The following IL17REL variants were observed in gnomAD, a reference collection of about 807,000 sequenced individuals.
The protein encoded by IL17REL is interleukin 17 receptor E like.
IL17REL carries 36 observed loss-of-function variants against 49.0 expected under a neutral mutation model. The observed-to-expected ratio is 0.73, with a 90% confidence interval of 0.56 to 0.97. The LOEUF (loss-of-function observed/expected upper bound fraction) is 0.97. Ranked by LOEUF, IL17REL falls within the 50% of genes least tolerant of loss-of-function variation. The pLI is 0.00. For missense variants in IL17REL, 470 were observed against 453.9 expected (o/e 1.04, Z -0.32); for synonymous variants, 206 against 192.4 (o/e 1.07, Z -0.58).
intron 1 of IL17REL, among the ~76,000 whole-genome samples, chr22:50,007,099 G>T: frequency 6.6e-6 from 1 of 152,002 alleles, no homozygotes; most frequent in East Asian, 1.9e-4. Context: ...GCACCTCTTT[G>T]TCTAGATCAG....
chr22:50,008,955 G>A (rs137866), upstream of IL17REL: 43,831 of 152,212 alleles, frequency 0.29, 6,432 homozygotes, highest in Middle Eastern at 0.44. Context: ...TGGGATTCAT[G>A]AACAGAGGAA....
chr22:50,001,067 G>C lies in IL17REL; in HGVS notation c.109+15C>G, dbSNP rs112655769. ...CCTGCGGGTGTTAACTCCCACCCTC[G>C]AGGCCACCTCTCACCATGCAGGGTG... On this transcript the variant is annotated intron_variant, in intron 2 of 12. Coordinates refer to ENST00000341280, the Ensembl canonical transcript of IL17REL. 14 of 1,558,002 alleles carry C rather than the reference G, an allele frequency of 9.0e-6. No individual in the cohort carries two copies. Among genetic ancestry groups the C allele is most frequent in the East Asian group, 2.4e-5 (1 of 42,296 alleles).
chr22:50,010,543 G>C (rs1274299404), upstream of IL17REL, among the ~76,000 whole-genome samples: 1 of 152,244 alleles, frequency 6.6e-6, no homozygotes, highest in Non-Finnish European at 1.5e-5. Context: ...GCCCACTGTG[G>C]CCTGGACTCC....
intron 9 of IL17REL, 109 bp downstream of exon 11, chr22:49,997,916 T>C (rs1273593308): frequency 6.8e-7 from 1 of 1,480,024 alleles, no homozygotes; most frequent in Admixed American, 1.9e-5. Flanking sequence ...GAGGGACGCC[T>C]GGGAGGCTAG....
chr22:49,999,718 CGG>C lies in IL17REL; in HGVS notation c.474+108_474+109del, dbSNP rs1222640154. On this transcript the variant is annotated intron_variant, in intron 5 of 12. Transcript: ENST00000341280. ...CCTAGGCCTGGCCGGGGGCGGGGCGCGGGGGGTGGGCGGGGCGCGGGGTGGGC... is the reference window on the plus strand; with the variant it reads ...CCTAGGCCTGGCCGGGGGCGGGGCGCGGGGTGGGCGGGGCGCGGGGTGGGC... The C allele has an allele frequency of 4.0e-5, 16 of 400,552 alleles. 1 individual carries two copies. Among genetic ancestry groups the C allele is most frequent in the African/African-American group, 2.6e-4 (7 of 27,272 alleles). 24.8% of individuals were successfully genotyped at this position (400,552 alleles called of 1,614,324 possible). A position where few individuals can be genotyped will look rare whatever the true frequency, so the allele number is the denominator to read the frequency against.
At chr22:50,009,331 G>A (rs1305147855), upstream of IL17REL, among the ~76,000 whole-genome samples, 1 of 152,136 alleles carries the variant, frequency 6.6e-6, no homozygotes, top group Non-Finnish European at 1.5e-5. Context: ...CACTCAAAGA[G>A]GGGCATGAGG....
At chr22:50,001,126 C>G in exon 2 of IL17REL, 1 of 1,604,842 alleles carries the variant, frequency 6.2e-7, no homozygotes, top group Non-Finnish European at 8.5e-7. Flanking sequence ...CATCGCGCAG[C>G]CGTCAGAGGG....
chr22:49,999,591 C>G, intron 5 of IL17REL, 89 bp from the exon 8 acceptor site: 1 of 442,894 alleles, frequency 2.3e-6, no homozygotes, highest in Non-Finnish European at 3.6e-6. Context: ...GGGGCGGGAG[C>G]GGGGACGGGA....
At chr22:50,008,004 C>T (rs988957206) in intron 1 of IL17REL, among the ~76,000 whole-genome samples, 2 of 151,916 alleles carry the variant, frequency 1.3e-5, no homozygotes, top group African/African-American at 2.4e-5. Flanking sequence ...TTTGGGAGGC[C>T]GAGGCAGGAG....
intron 4 of IL17REL, among the ~76,000 whole-genome samples, chr22:50,000,223 C>T (rs1208875664): frequency 6.6e-6 from 1 of 152,258 alleles, no homozygotes; most frequent in Non-Finnish European, 1.5e-5. Context: ...CTCCTCCCCA[C>T]GTCCTCCTCT....
exon 8 of IL17REL, chr22:49,998,263 C>T (rs377295789): frequency 9.9e-6 from 16 of 1,612,270 alleles, no homozygotes; most frequent in Non-Finnish European, 1.3e-5. Context: ...TCTGGCTCTC[C>T]GGGTGGTAGT....
At chr22:50,000,052 T>G in intron 4 of IL17REL, 85 bp from the exon 7 acceptor site, 1 of 1,349,762 alleles carries the variant, frequency 7.4e-7, no homozygotes, top group Non-Finnish European at 9.6e-7. Flanking sequence ...CCCGACGTGG[T>G]GGCTCCTGCT....
chr22:49,999,621 T>C (rs1317497906), intron 5 of IL17REL, 119 bp from the exon 8 acceptor site: 1 of 278,764 alleles, frequency 3.6e-6, no homozygotes, highest in East Asian at 1.0e-4. Context: ...GGCCTAGGCC[T>C]GGCCGGGGGC....
chr22:50,001,582 A>G (rs1025772083), intron 1 of IL17REL, among the ~76,000 whole-genome samples: 1 of 152,350 alleles, frequency 6.6e-6, no homozygotes, highest in Admixed American at 6.5e-5. Context: ...CTCAAAGACG[A>G]ACAGCAGAAA....
chr22:49,995,583 G>C (rs538615146), exon 13 of IL17REL: 1 of 152,866 alleles, frequency 6.5e-6, no homozygotes, highest in East Asian at 1.9e-4. Flanking sequence ...CCTGGCCTCA[G>C]GCTGCCGTCC....
At chr22:50,011,778 A>C (rs1424193262), upstream of IL17REL, among the ~76,000 whole-genome samples, 2 of 151,932 alleles carry the variant, frequency 1.3e-5, no homozygotes, top group Non-Finnish European at 2.9e-5. Flanking sequence ...CCCCTCCCTG[A>C]GCTGAGCCCT....
Position 50,001,236 on chromosome 22 carries a change from G to T in IL17REL, c.-41-5C>A. The T allele has an allele frequency of 2.4e-6, 3 of 1,249,664 alleles. No individual in the cohort carries two copies. Among genetic ancestry groups the T allele is most frequent in the Non-Finnish European group, 3.4e-6 (3 of 873,918 alleles). 77.4% of individuals were successfully genotyped at this position (1,249,664 alleles called of 1,614,324 possible). A position where few individuals can be genotyped will look rare whatever the true frequency, so the allele number is the denominator to read the frequency against. On this transcript the variant is annotated splice_region_variant and splice_polypyrimidine_tract_variant and intron_variant, in intron 1 of 12. Coordinates refer to ENST00000341280, the Ensembl canonical transcript of IL17REL. ...AGAAGCTGTTAAAAATGTTCCCTGG[G>T]GAGGGAGAAGGAGCGTGAGGCCTCG...
At chr22:50,010,239 G>GC (rs1303755992), upstream of IL17REL, among the ~76,000 whole-genome samples, 1 of 152,266 alleles carries the variant, frequency 6.6e-6, no homozygotes, top group South Asian at 2.1e-4. Flanking sequence ...CCCGGCCTCG[G>GC]CCCCTGGTGG....
In IL17REL at chr22:49,999,818, G is replaced by GGGCGCTCACTCGCACAGGGGCGCC; in HGVS notation, c.460_474+9dup. 6.7e-7 allele frequency: 1 copy of GGGCGCTCACTCGCACAGGGGCGCC among 1,495,926 alleles called. No homozygotes were observed. The highest frequency in any genetic ancestry group is 1.3e-5 in the South Asian group (1 of 78,486). The allele number at this position is 1,495,926 out of a possible 1,614,324, so 92.7% of individuals were successfully genotyped here. On this transcript the variant is annotated intron_variant, in intron 5 of 12. Coordinates refer to ENST00000341280, the Ensembl canonical transcript of IL17REL. ...TAAGGCTGACCGGGGCCCGGGGCGC[G>GGGCGCTCACTCGCACAGGGGCGCC]GGCGCTCACTCGCACAGGGGCGCCG...
Sources: allele counts gnomAD v4.1 joint callset (sites outside exome capture counted in the v4.1 genomes callset), GRCh38; gene constraint gnomAD v4.1.1; transcripts MANE v1.5; gene names NCBI Gene and HGNC (gene_info 2026-07-23, HGNC 2026-07-21).